TAF1L: variants seen among roughly 807,000 people sequenced by gnomAD.
TAF1L encodes the protein TATA-box binding protein associated factor 1 like, also known as transcription initiation factor TFIID subunit 1-like.
A neutral mutation model predicts 128.8 loss-of-function variants in TAF1L; 30 were observed. That is an observed-to-expected ratio of 0.23 (90% CI 0.17 to 0.32). The LOEUF is 0.32. Among genes scored for constraint, TAF1L ranks in the 10% least tolerant of loss-of-function variants. The pLI is 1.00. For missense variants in TAF1L, 2,099 were observed against 2,253.7 expected, an observed-to-expected ratio of 0.93 and a Z score of 1.39; for synonymous variants, 764 against 790.7, an observed-to-expected ratio of 0.97 and a Z score of 0.57.
In TAF1L at chr9:32,633,539, A is replaced by G. The variant is rs1465566309; in HGVS notation, c.2041T>C (p.Leu681=). Residue 681 remains leucine (L), a synonymous_variant, in exon 1 of 1, where the codon TTG becomes CTG. Coordinates refer to ENST00000242310, the MANE Select transcript of TAF1L (RefSeq NM_153809.2). ...QERQASGGGE[L]FFMRTPQDLT... ...TCCTGAGGTGTGCGCATAAAAAACA[A>G]CTCTCCACCACCTGAGGCTTGCCTC... 1 of 1,614,050 alleles carries G rather than the reference A, an allele frequency of 6.2e-7. No individual in the cohort carries two copies. Among genetic ancestry groups the G allele is most frequent in the Non-Finnish European group, 8.5e-7 (1 of 1,180,002 alleles).
chr9:32,632,358 C>T lies in TAF1L; in HGVS notation c.3222G>A (p.Val1074=). Reference sequence around the variant, plus strand: ...CTTTGTAACGCTCTTGATGCTCAGCCACAGAAAACCTTGATCCACGGGCAA... The same window carrying T: ...CTTTGTAACGCTCTTGATGCTCAGCTACAGAAAACCTTGATCCACGGGCAA... ...SKFARGSRFS[V]AEHQERYKEE... is the part of the protein sequence containing the mutation. The change falls in exon 1 of 1, where the codon GTG becomes GTA. Residue 1074 remains valine (V), a synonymous_variant. Coordinates refer to ENST00000242310, the MANE Select transcript of TAF1L (RefSeq NM_153809.2). The surrounding 1 kb of genome is among the most constrained non-coding windows in gnomAD (Gnocchi z 4.4). 6.2e-7 allele frequency: 1 copy of T among 1,614,188 alleles called. No individual in the cohort carries two copies. The highest frequency in any genetic ancestry group is 1.1e-5 in the South Asian group (1 of 91,082).
Position 32,631,879 on chromosome 9 carries a change from T to G in TAF1L, c.3701A>C (p.Lys1234Thr). Residue 1234 changes from lysine to threonine, a missense_variant, in exon 1 of 1, where the codon AAA (lysine) becomes ACA (threonine). Lys to Thr is a moderately conservative substitution (Grantham distance 78, BLOSUM62 -1). Coordinates refer to ENST00000242310, the MANE Select transcript of TAF1L (RefSeq NM_153809.2). This position sits in a 1 kb window ranked among gnomAD's most constrained non-coding sequence, Gnocchi z 4.1. ...FIQKFALFDEKHREEMRKERR... is the reference protein window; with the variant it reads ...FIQKFALFDETHREEMRKERR... ...TTCTTTCCGCATCTCTTCCCGATGT[T>G]TTTCATCAAAAAGGGCAAATTTTTG... The G allele has an allele frequency of 6.2e-7, 1 of 1,614,222 alleles. No individual in the cohort carries two copies. The highest frequency in any genetic ancestry group is 8.5e-7 in the Non-Finnish European group (1 of 1,180,048).
Position 32,635,543 on chromosome 9 carries a change from C to G in TAF1L, c.37G>C (p.Ala13Pro). ...PGCDLLLRAA[A>P]TVTAAIMSDS... ...GACATGATGGCGGCAGTGACGGTAG[C>G]TGCTGCCCTCAGCAGCAAATCGCAG... Residue 13 changes from alanine (A) to proline (P), a missense_variant, in exon 1 of 1, where the codon GCT becomes CCT. Ala to Pro is a conservative substitution (Grantham distance 27, BLOSUM62 -1). This residue lies in a region of TAF1L where 473 missense variants were observed against 429.6 expected (regional missense o/e 1.10). Coordinates refer to ENST00000242310, the MANE Select transcript of TAF1L (RefSeq NM_153809.2). 6.2e-7 allele frequency: 1 copy of G among 1,614,044 alleles called. No individual in the cohort carries two copies. Among genetic ancestry groups the G allele is most frequent in the South Asian group, 1.1e-5 (1 of 91,068 alleles).
chr9:32,634,994 C>T lies in TAF1L; in HGVS notation c.586G>A (p.Ala196Thr). ...CTACTGAAATCCACTTTCTCTGAGG[C>T]CAAAAAGGAAGGGGCAATGATGGAG... ...LPSIIAPSFL[A>T]SEKVDFSSYS... The change falls in exon 1 of 1, where the codon GCC becomes ACC. Residue 196 changes from alanine (A) to threonine (T), a missense_variant. Coordinates refer to ENST00000242310, the MANE Select transcript of TAF1L (RefSeq NM_153809.2). 1 of 1,613,936 alleles carries T rather than the reference C, an allele frequency of 6.2e-7. No individual in the cohort carries two copies. The highest frequency in any genetic ancestry group is 1.1e-5 in the South Asian group (1 of 91,052).
In TAF1L at chr9:32,633,732, T is replaced by C; in HGVS notation, c.1848A>G (p.Glu616=). 1 of 1,614,178 alleles carries C rather than the reference T, an allele frequency of 6.2e-7. No individual in the cohort carries two copies. Among genetic ancestry groups the C allele is most frequent in the East Asian group, 2.2e-5 (1 of 44,884 alleles). ...NIIQHSIPAM[E]LWQPFFPTHM... ...GGGTGGGAAAGAAGGGCTGCCATAA[T>C]TCCATAGCAGGAATTGAATGCTGGA... Residue 616 remains glutamate (E), a synonymous_variant, in exon 1 of 1, where the codon GAA becomes GAG. Transcript: ENST00000242310.
At position 32,630,118 on chromosome 9, in the gene TAF1L, T is replaced by C. The variant is rs761423467; in HGVS notation, c.5462A>G (p.Lys1821Arg). 1 of 1,614,190 alleles carries C rather than the reference T, an allele frequency of 6.2e-7. No homozygotes were observed. The change falls in exon 1 of 1, where the codon AAG (lysine) becomes AGG (arginine). Residue 1821 changes from lysine to arginine, a missense_variant. By Grantham distance (26) the Lys-to-Arg change is conservative. Around this residue, in one of 4 missense-constraint regions of TAF1L, gnomAD observed 404 missense variants for 406.5 expected, o/e 0.99. Coordinates refer to ENST00000242310, the MANE Select transcript of TAF1L (RefSeq NM_153809.2). ...FMLQHASGEH[K>R]DGHGK ...CTTTCTTCATTTTCCGTGCCCATCC[T>C]TGTGTTCTCCTGAAGCATGCTGAAG...
chr9:32,630,005 A>T lies in TAF1L; in HGVS notation c.*94T>A. The T allele has an allele frequency of 6.3e-7, 1 of 1,577,532 alleles. No homozygotes were observed. Among genetic ancestry groups the T allele is most frequent in the Non-Finnish European group, 8.6e-7 (1 of 1,163,756 alleles). On this transcript the variant is annotated 3_prime_UTR_variant, in exon 1 of 1. Transcript: ENST00000242310. ...TTGTGTCTTGGGTGTTCAACTTGGG[A>T]TCAGGCTCCTCACAGCTCCCATAAC...
At position 32,629,907 on chromosome 9, in the gene TAF1L, C is replaced by T. The variant is rs147431464; in HGVS notation, c.*192G>A. ...CTGACCTCAGGTGATCCACCCGCCTCGGCCTCCCAGAGTGCTGAGATTACA... is the reference window on the plus strand; with the variant it reads ...CTGACCTCAGGTGATCCACCCGCCTTGGCCTCCCAGAGTGCTGAGATTACA... On this transcript the variant is annotated 3_prime_UTR_variant, in exon 1 of 1. Coordinates refer to ENST00000242310, the MANE Select transcript of TAF1L (RefSeq NM_153809.2). 3,156 of 1,122,564 alleles carry T rather than the reference C, an allele frequency of 2.8e-3. 7 individuals are homozygous for T. Among genetic ancestry groups the T allele is most frequent in the Non-Finnish European group, 2.9e-3 (2,331 of 796,016 alleles). 69.5% of individuals were successfully genotyped at this position (1,122,564 alleles called of 1,614,324 possible).
chr9:32,634,429 C>A lies in TAF1L; in HGVS notation c.1151G>T (p.Gly384Val). Residue 384 changes from glycine to valine, a missense_variant, in exon 1 of 1, where the codon GGC (glycine) becomes GTC (valine). Around this residue, in one of 4 missense-constraint regions of TAF1L, gnomAD observed 1,213 missense variants for 1,391.4 expected, o/e 0.87. Coordinates refer to ENST00000242310, the MANE Select transcript of TAF1L (RefSeq NM_153809.2). ...ATGTTGTGTCTTTCTCAGTTTGAAGCCATAGTCAAACCCACTGCCATCTTC... is the reference window on the plus strand; with the variant it reads ...ATGTTGTGTCTTTCTCAGTTTGAAGACATAGTCAAACCCACTGCCATCTTC... ...VSEDGSGFDY[G>V]FKLRKTQHEP... 1 of 1,614,198 alleles carries A rather than the reference C, an allele frequency of 6.2e-7. No homozygotes were observed.
chr9:32,630,527 G>T lies in TAF1L; in HGVS notation c.5053C>A (p.Gln1685Lys). 1 of 1,614,188 alleles carries T rather than the reference G, an allele frequency of 6.2e-7. No individual in the cohort carries two copies. Among genetic ancestry groups the T allele is most frequent in the Non-Finnish European group, 8.5e-7 (1 of 1,180,036 alleles). Residue 1685 changes from glutamine (Q) to lysine (K), a missense_variant, in exon 1 of 1, where the codon CAA (glutamine) becomes AAA (lysine). Gln to Lys is a moderately conservative substitution (Grantham distance 53). Transcript: ENST00000242310. ...AAGACAGACAAATTGCTCTCATCTT[G>T]AAATACAGAGGCATCTCGAGACGTA... ...LSTSRDASVFQDESNLSVLDI... is the reference protein window; with the variant it reads ...LSTSRDASVFKDESNLSVLDI...
At position 32,632,270 on chromosome 9, in the gene TAF1L, T is replaced by G. The variant is rs769213232; in HGVS notation, c.3310A>C (p.Thr1104Pro). 2 of 1,614,248 alleles carry G rather than the reference T, an allele frequency of 1.2e-6. No individual in the cohort carries two copies. The highest frequency in any genetic ancestry group is 4.5e-5 in the East Asian group (2 of 44,878). The change falls in exon 1 of 1, where the codon ACT (threonine) becomes CCT (proline). Residue 1104 changes from threonine (T) to proline (P), a missense_variant. Coordinates refer to ENST00000242310, the MANE Select transcript of TAF1L (RefSeq NM_153809.2). This position sits in a 1 kb window ranked among gnomAD's most constrained non-coding sequence, Gnocchi z 4.4. ...TCAGCTGAGATGCTGTCTGTGTCAG[T>G]TGATAAGACCTCAGTTGATGACAGA... ...KVLSSTEVLS[T>P]DTDSISAEDS...
At position 32,633,725 on chromosome 9, in the gene TAF1L, G is replaced by T; in HGVS notation, c.1855C>A (p.Gln619Lys). The change falls in exon 1 of 1, where the codon CAG becomes AAG. Residue 619 changes from glutamine (Q) to lysine (K), a missense_variant. Coordinates refer to ENST00000242310, the MANE Select transcript of TAF1L (RefSeq NM_153809.2). ...QHSIPAMELW[Q>K]PFFPTHMGPI... ...CCCATGTGGGTGGGAAAGAAGGGCT[G>T]CCATAATTCCATAGCAGGAATTGAA... 1 of 1,614,182 alleles carries T rather than the reference G, an allele frequency of 6.2e-7. No individual in the cohort carries two copies.
rs190834308 is a variant in TAF1L at position 32,632,191 on chromosome 9, T to C, written c.3389A>G (p.Lys1130Arg). The C allele has an allele frequency of 6.2e-7, 1 of 1,614,246 alleles. No homozygotes were observed. Among genetic ancestry groups the C allele is most frequent in the East Asian group, 2.2e-5 (1 of 44,892 alleles). ...GKNIENMLQN[K>R]KTSSQLSREW... ...ACGTGACAGCTGAGAGCTGGTTTTC[T>C]TGTTCTGCAACATGTTCTCAATGTT... is the stretch of plus-strand genomic sequence containing the variant. The change falls in exon 1 of 1, where the codon AAG (lysine) becomes AGG (arginine). Residue 1130 changes from lysine to arginine, a missense_variant. By Grantham distance (26) the Lys-to-Arg change is conservative (BLOSUM62 2). This residue lies in a region of TAF1L where 1,213 missense variants were observed against 1,391.4 expected (regional missense o/e 0.87). Coordinates refer to ENST00000242310, the MANE Select transcript of TAF1L (RefSeq NM_153809.2). This position sits in a 1 kb window ranked among gnomAD's most constrained non-coding sequence, Gnocchi z 4.4.
chr9:32,632,897 T>C lies in TAF1L; in HGVS notation c.2683A>G (p.Ile895Val), dbSNP rs774112603. The C allele has an allele frequency of 2.0e-5, 32 of 1,614,124 alleles. No homozygotes were observed. Among genetic ancestry groups the C allele is most frequent in the Non-Finnish European group, 2.7e-5 (32 of 1,180,050 alleles). ...SDFRLPTEEE[I>V]RAKVSPEQCC... Reference sequence around the variant, plus strand: ...TGCTCTGGTGACACCTTAGCTCTGATCTCTTCTTCCGTTGGTAAACGAAAA... The same window carrying C: ...TGCTCTGGTGACACCTTAGCTCTGACCTCTTCTTCCGTTGGTAAACGAAAA... Residue 895 changes from isoleucine (I) to valine (V), a missense_variant, in exon 1 of 1, where the codon ATC becomes GTC. Around this residue, in one of 4 missense-constraint regions of TAF1L, gnomAD observed 1,213 missense variants for 1,391.4 expected, o/e 0.87. Coordinates refer to ENST00000242310, the MANE Select transcript of TAF1L (RefSeq NM_153809.2). This position sits in a 1 kb window ranked among gnomAD's most constrained non-coding sequence, Gnocchi z 4.4.
In TAF1L at chr9:32,633,881, T is replaced by C; in HGVS notation, c.1699A>G (p.Ile567Val). The C allele has an allele frequency of 6.2e-7, 1 of 1,614,238 alleles. No homozygotes were observed. Among genetic ancestry groups the C allele is most frequent in the Non-Finnish European group, 8.5e-7 (1 of 1,180,050 alleles). ...ATGTTCTGCTGTGGTTCCTCCCTGA[T>C]GACACCTGTTTTGCCCAAGAGAATT... Reference protein sequence around the residue: ...SRILLGKTGVIREEPQQNMSQ... With the variant: ...SRILLGKTGVVREEPQQNMSQ... The change falls in exon 1 of 1, where the codon ATC (isoleucine) becomes GTC (valine). Residue 567 changes from isoleucine (I) to valine (V), a missense_variant. Physicochemically the swap from Ile to Val is conservative, Grantham distance 29 (BLOSUM62 3). This residue lies in a region of TAF1L where 1,213 missense variants were observed against 1,391.4 expected (regional missense o/e 0.87). Coordinates refer to ENST00000242310, the MANE Select transcript of TAF1L (RefSeq NM_153809.2).
In TAF1L at chr9:32,635,298, T is replaced by C. The variant is rs1486062730; in HGVS notation, c.282A>G (p.Val94=). The C allele has an allele frequency of 6.2e-7, 1 of 1,614,174 alleles. No individual in the cohort carries two copies. The highest frequency in any genetic ancestry group is 1.7e-5 in the Admixed American group (1 of 60,012). ...TACTCCTAATCCACCCTTCATCATT[T>C]ACCAAGGCACCGCCAGTCCCAGTCA... ...EELTGTGGAL[V]NDEGWIRSTE... is the part of the protein sequence containing the mutation. The change falls in exon 1 of 1, where the codon GTA becomes GTG. Residue 94 remains valine, a synonymous_variant. Transcript: ENST00000242310.
chr9:32,630,487 G>A lies in TAF1L; in HGVS notation c.5093C>T (p.Ala1698Val). ...CTGGCACATCTGTTTTTCTGGAGTG[G>A]CAGTGGAAATATCCAAGACAGACAA... ...SNLSVLDIST[A>V]TPEKQMCQGQ... The change falls in exon 1 of 1, where the codon GCC (alanine) becomes GTC (valine). Residue 1698 changes from alanine to valine, a missense_variant. This residue lies in a region of TAF1L where 404 missense variants were observed against 406.5 expected (regional missense o/e 0.99). Coordinates refer to ENST00000242310, the MANE Select transcript of TAF1L (RefSeq NM_153809.2). 2 of 1,614,136 alleles carry A rather than the reference G, an allele frequency of 1.2e-6. No individual in the cohort carries two copies. Among genetic ancestry groups the A allele is most frequent in the Admixed American group, 1.7e-5 (1 of 60,012 alleles).
At position 32,632,984 on chromosome 9, in the gene TAF1L, T is replaced by G; in HGVS notation, c.2596A>C (p.Lys866Gln). Residue 866 changes from lysine (K) to glutamine (Q), a missense_variant, in exon 1 of 1, where the codon AAG (lysine) becomes CAG (glutamine). Coordinates refer to ENST00000242310, the MANE Select transcript of TAF1L (RefSeq NM_153809.2). This position sits in a 1 kb window ranked among gnomAD's most constrained non-coding sequence, Gnocchi z 4.4. The part of the protein sequence containing the change: ...HSESSIRKRL[K>Q]LCADFKRTGM... ...GTGCGTTTGAAGTCAGCGCAGAGCTTTAGCCTCTTCCGGATGCTGCTTTCT... is the reference window on the plus strand; with the variant it reads ...GTGCGTTTGAAGTCAGCGCAGAGCTGTAGCCTCTTCCGGATGCTGCTTTCT... 2 of 1,614,206 alleles carry G rather than the reference T, an allele frequency of 1.2e-6. No homozygotes were observed. The highest frequency in any genetic ancestry group is 1.7e-6 in the Non-Finnish European group (2 of 1,180,030).
chr9:32,634,789 A>T lies in TAF1L; in HGVS notation c.791T>A (p.Leu264His). 1 of 1,614,168 alleles carries T rather than the reference A, an allele frequency of 6.2e-7. No homozygotes were observed. Among genetic ancestry groups the T allele is most frequent in the Non-Finnish European group, 8.5e-7 (1 of 1,180,038 alleles). The change falls in exon 1 of 1, where the codon CTT becomes CAT. Residue 264 changes from leucine to histidine, a missense_variant. Transcript: ENST00000242310. ...TGGGACATTCTTCCCTGGTCCAAAAAGATGTAGGAAGCGTAACACTTTTCC... is the reference window on the plus strand; with the variant it reads ...TGGGACATTCTTCCCTGGTCCAAAATGATGTAGGAAGCGTAACACTTTTCC... ...RPGKVLRFLHLFGPGKNVPSV... is the reference protein window; with the variant it reads ...RPGKVLRFLHHFGPGKNVPSV...
Sources: allele counts gnomAD v4.1 joint callset, GRCh38; gene constraint gnomAD v4.1.1; regional missense constraint gnomAD v4.1.1; non-coding constraint Gnocchi (gnomAD v3.1); transcripts MANE v1.5; gene names NCBI Gene and HGNC (gene_info 2026-07-23, HGNC 2026-07-21).